Variants in EGF observed in about 807,000 individuals in gnomAD.
The protein encoded by EGF is epidermal growth factor.
EGF carries 95 observed loss-of-function variants against 143.8 expected under a neutral mutation model. That is an observed-to-expected ratio of 0.66 (90% CI 0.56 to 0.78). EGF has a LOEUF of 0.78. Ranked by LOEUF, EGF falls within the 30% of genes least tolerant of loss-of-function variation. EGF has a pLI of 0.00. For synonymous variants in EGF, 510 were observed against 510.5 expected, an observed-to-expected ratio of 1.00 and a Z score of 0.01; for missense variants, 1,320 against 1,470.9, an observed-to-expected ratio of 0.90 and a Z score of 1.68.
intron 11 of EGF, 48 bp downstream of exon 11, chr4:109,969,167 G>A (rs1309004634): frequency 1.9e-6 from 3 of 1,611,170 alleles, no homozygotes; most frequent in Non-Finnish European, 2.5e-6. Context: ...GGAGTGATGG[G>A]ATAGGTAATA....
intron 16 of EGF, 96 bp downstream of exon 16, chr4:109,983,637 T>TTGTGTAG: frequency 6.5e-7 from 1 of 1,541,830 alleles, no homozygotes; most frequent in Non-Finnish European, 8.9e-7. Flanking sequence ...TAATATTGCC[T>TTGTGTAG]AAGTTCTACA....
intron 13 of EGF, among the ~76,000 whole-genome samples, chr4:109,978,128 C>T (rs1748791145): frequency 6.6e-6 from 1 of 152,106 alleles, no homozygotes; most frequent in South Asian, 2.1e-4. Flanking sequence ...TCCCAGCTGC[C>T]AGTTAAGAAT....
intron 14 of EGF, 95 bp from the exon 15 acceptor site, chr4:109,980,731 A>T (rs904882730): frequency 2.1e-6 from 3 of 1,395,464 alleles, no homozygotes; most frequent in East Asian, 2.3e-5. Flanking sequence ...TCTCCCTAAA[A>T]GCTATAGCTC....
intron 1 of EGF, among the ~76,000 whole-genome samples, chr4:109,918,605 A>C (rs939212919): frequency 1.3e-5 from 2 of 152,098 alleles, no homozygotes; most frequent in African/African-American, 4.8e-5. Context: ...TGAATGATTC[A>C]TCTACTGTGT....
At chr4:109,964,612 C>A in intron 10 of EGF, 75 bp downstream of exon 10, 1 of 1,595,300 alleles carries the variant, frequency 6.3e-7, no homozygotes, top group Non-Finnish European at 8.6e-7. Context: ...AACAAATGAC[C>A]TGGCCTACTT....
chr4:109,934,327 CAG>C (rs1207689732), intron 1 of EGF, among the ~76,000 whole-genome samples: 1 of 152,188 alleles, frequency 6.6e-6, no homozygotes, highest in African/African-American at 2.4e-5. Context: ...CATCTGCAAA[CAG>C]AGACAATTTG....
chr4:109,985,483 C>T (rs957272191), intron 16 of EGF, among the ~76,000 whole-genome samples: 9 of 152,222 alleles, frequency 5.9e-5, no homozygotes, highest in Non-Finnish European at 7.3e-5. Flanking sequence ...GCTCACCAGC[C>T]CTCTTGCCTT....
At chr4:110,005,523 A>T (rs1318284667) in intron 22 of EGF, among the ~76,000 whole-genome samples, 1 of 152,200 alleles carries the variant, frequency 6.6e-6, no homozygotes, top group African/African-American at 2.4e-5. Flanking sequence ...TAAATTCAAA[A>T]TTAAATTTAA....
intron 6 of EGF, 126 bp from the exon 7 acceptor site, chr4:109,960,741 C>A: frequency 2.8e-6 from 3 of 1,085,984 alleles, no homozygotes; most frequent in South Asian, 1.5e-5. Context: ...GGAAAACAGA[C>A]TTTCCATGAT....
At chr4:109,954,761 G>A (rs186754773) in intron 5 of EGF, among the ~76,000 whole-genome samples, 257 of 152,176 alleles carry the variant, frequency 1.7e-3, no homozygotes, top group African/African-American at 5.9e-3. Context: ...AGAATTTTAC[G>A]TATCTGGTAA....
At chr4:109,985,429 C>G (rs1749988930) in intron 16 of EGF, among the ~76,000 whole-genome samples, 1 of 152,134 alleles carries the variant, frequency 6.6e-6, no homozygotes, top group Non-Finnish European at 1.5e-5. Flanking sequence ...CCTTTTGGGC[C>G]CTGTATGAAA....
At chr4:109,926,402 T>G (rs997202007) in intron 1 of EGF, among the ~76,000 whole-genome samples, 5 of 149,566 alleles carry the variant, frequency 3.3e-5, no homozygotes, top group African/African-American at 1.2e-4. Context: ...TCGCCCAAGC[T>G]GGAGTGCAGT....
intron 22 of EGF, among the ~76,000 whole-genome samples, chr4:110,006,287 G>A (rs1753283822): frequency 6.6e-6 from 1 of 151,540 alleles, no homozygotes; most frequent in South Asian, 2.1e-4. Context: ...CAAGGTTGCA[G>A]TGAGCTATGA....
intron 1 of EGF, among the ~76,000 whole-genome samples, chr4:109,920,572 A>C (rs1737598533): frequency 6.6e-6 from 1 of 151,626 alleles, no homozygotes; most frequent in Non-Finnish European, 1.5e-5. Context: ...AATCTTTTTC[A>C]AGAAATTTTA....
chr4:109,988,449 G>A (rs754541805), intron 17 of EGF, 135 bp from the exon 18 acceptor site: 83 of 1,281,650 alleles, frequency 6.5e-5, no homozygotes, highest in South Asian at 1.8e-4. Flanking sequence ...GATGCAGGGC[G>A]TGCCTGATGT....
intron 1 of EGF, among the ~76,000 whole-genome samples, chr4:109,934,849 C>T (rs1740473157): frequency 6.6e-6 from 1 of 151,992 alleles, no homozygotes; most frequent in Non-Finnish European, 1.5e-5. Flanking sequence ...TTTTGTCAAG[C>T]TTGTCAAAGA....
intron 22 of EGF, among the ~76,000 whole-genome samples, chr4:110,007,344 G>A (rs11569114): frequency 1.6e-3 from 239 of 152,222 alleles, no homozygotes; most frequent in African/African-American, 5.3e-3. Context: ...AAGCGTGATC[G>A]GCCAAAACCT....
At chr4:109,994,627 A>G in intron 19 of EGF, 106 bp from the exon 20 acceptor site, 1 of 1,339,972 alleles carries the variant, frequency 7.5e-7, no homozygotes, top group Non-Finnish European at 1.1e-6. Flanking sequence ...TTCTGTCACT[A>G]AAAGATTTAT....
intron 1 of EGF, among the ~76,000 whole-genome samples, chr4:109,925,795 G>A (rs914706001): frequency 2.6e-5 from 4 of 152,226 alleles, no homozygotes; most frequent in African/African-American, 9.6e-5. Context: ...TGAAAAAAAT[G>A]GTATAAGTGT....
Sources: gnomAD v4.1 joint callset for allele counts (sites outside exome capture counted in the v4.1 genomes callset) on GRCh38, gnomAD v4.1.1 for gene constraint, MANE v1.5 for transcripts, NCBI Gene and HGNC (gene_info 2026-07-23, HGNC 2026-07-21) for gene names.